Variants in KIT observed in about 807,000 individuals in gnomAD.
KIT encodes the protein mast/stem cell growth factor receptor Kit.
A neutral mutation model predicts 105.7 loss-of-function variants in KIT; 16 were observed. The ratio of observed to expected loss-of-function variants is 0.15; its 90% CI spans 0.10 to 0.23. The LOEUF is 0.23. Among genes scored for constraint, KIT ranks in the 10% least tolerant of loss-of-function variants. The pLI, the probability that KIT is intolerant of heterozygous loss-of-function variation, is 1.00. For synonymous variants in KIT, 438 were observed against 441.1 expected (o/e 0.99, Z 0.09); for missense variants, 858 against 1,213.8 (o/e 0.71, Z 4.36).
In KIT at chr4:54,738,522, T is replaced by C; in HGVS notation, c.2896T>C (p.Ser966Pro). ...CAATTCTGTCGGCAGCACCGCTTCC[T>C]CCTCCCAGCCTCTGCTTGTGCACGA... The part of the protein sequence containing the change: ...RINSVGSTAS[S>P]SQPLLVHDDV The change falls in exon 21 of 21, where the codon TCC becomes CCC. Residue 966 changes from serine to proline, a missense_variant. Around this residue, in one of 7 missense-constraint regions of KIT, gnomAD observed 105 missense variants for 103.5 expected, o/e 1.01. Transcript: ENST00000288135. The C allele has an allele frequency of 6.2e-7, 1 of 1,614,126 alleles. No individual in the cohort carries two copies. The highest frequency in any genetic ancestry group is 8.5e-7 in the Non-Finnish European group (1 of 1,180,018).
chr4:54,700,731 A>G (rs1335439103), intron 4 of KIT, among the ~76,000 whole-genome samples: 1 of 152,196 alleles, frequency 6.6e-6, no homozygotes, highest in South Asian at 2.1e-4. Flanking sequence ...CTGTTTAAAA[A>G]ACTCTTTGCT....
intron 1 of KIT, among the ~76,000 whole-genome samples, chr4:54,678,343 T>TCCTTCCTC (rs1718652442): frequency 2.1e-5 from 2 of 95,696 alleles, no homozygotes; most frequent in Non-Finnish European, 3.9e-5. Context: ...CTTCCTTCCT[T>TCCTTCCTC]CCTTCCTTCC....
intron 5 of KIT, 59 bp from the exon 6 acceptor site, chr4:54,707,038 GT>G (rs1720831720): frequency 3.1e-6 from 3 of 964,070 alleles, no homozygotes; most frequent in South Asian, 1.4e-5. Flanking sequence ...ATGAGGTTCT[GT>G]TTTTTTGTCC....
intron 17 of KIT, among the ~76,000 whole-genome samples, chr4:54,733,622 A>G (rs1342053630): frequency 1.3e-5 from 2 of 152,182 alleles, no homozygotes; most frequent in South Asian, 4.1e-4. Flanking sequence ...CCTAGAATAC[A>G]CGGAGAGCTA....
At chr4:54,722,281 G>A (rs555250925) in intron 7 of KIT, among the ~76,000 whole-genome samples, 8 of 152,070 alleles carry the variant, frequency 5.3e-5, no homozygotes, top group East Asian at 1.9e-4. Flanking sequence ...TTGAGCCACC[G>A]TGCCCAGCAA....
chr4:54,709,663 TCA>T (rs1721014897), intron 7 of KIT, 124 bp downstream of exon 7: 4 of 723,794 alleles, frequency 5.5e-6, no homozygotes, highest in Non-Finnish European at 9.9e-6. Context: ...ATCTTGACCT[TCA>T]CAGAGACTTC....
At chr4:54,694,577 A>G (rs1376997336) in intron 1 of KIT, among the ~76,000 whole-genome samples, 1 of 151,920 alleles carries the variant, frequency 6.6e-6, no homozygotes, top group Non-Finnish European at 1.5e-5. Flanking sequence ...GGGGCGTCTC[A>G]CTGCGTTGCC....
At chr4:54,694,698 C>A (rs1393224127) in intron 1 of KIT, among the ~76,000 whole-genome samples, 1 of 152,142 alleles carries the variant, frequency 6.6e-6, no homozygotes, top group Non-Finnish European at 1.5e-5. Flanking sequence ...GTTCTTTAAA[C>A]CCTGAAATGT....
At position 54,736,680 on chromosome 4, in the gene KIT, G is replaced by C. The variant is rs764127876; in HGVS notation, c.2597-41G>C. On this transcript the variant is annotated intron_variant, in intron 18 of 20. Transcript: ENST00000288135. ...CTTCTTGAAGTTTCATTGGTGTCCTGCTTCCTTGTGATTAACACTGCTTTG... is the reference window on the plus strand; with the variant it reads ...CTTCTTGAAGTTTCATTGGTGTCCTCCTTCCTTGTGATTAACACTGCTTTG... 6 of 1,603,374 alleles carry C rather than the reference G, an allele frequency of 3.7e-6. No individual in the cohort carries two copies. The Admixed American group carries it at 8.3e-5, about 22-fold the overall frequency.
chr4:54,727,066 A>G (rs943035360), intron 9 of KIT, 152 bp from the exon 10 acceptor site: 1 of 730,190 alleles, frequency 1.4e-6, no homozygotes, highest in African/African-American at 1.7e-5. Context: ...ACAAGAGTAC[A>G]ATGTAACCAA....
At chr4:54,665,780 G>T (rs369977664) in intron 1 of KIT, among the ~76,000 whole-genome samples, 39 of 152,284 alleles carry the variant, frequency 2.6e-4, no homozygotes, top group Admixed American at 7.8e-4. Context: ...CAATTTCACA[G>T]ACATGGAGGG....
At chr4:54,737,375 C>T (rs1722984613) in intron 20 of KIT, 95 bp downstream of exon 20, 21 of 827,794 alleles carry the variant, frequency 2.5e-5, no homozygotes, top group Non-Finnish European at 4.2e-5. Flanking sequence ...AACCTCCCAA[C>T]CCCTTCTCTC....
At chr4:54,702,337 A>G (rs1481622964) in intron 4 of KIT, among the ~76,000 whole-genome samples, 1 of 152,092 alleles carries the variant, frequency 6.6e-6, no homozygotes, top group African/African-American at 2.4e-5. Context: ...CTAAAATATT[A>G]TTTCATAATG....
rs369849966 is a variant in KIT at position 54,680,806 on chromosome 4, C to T, written c.68-14706C>T. Among the ~76,000 whole-genome samples the T allele has an allele frequency of 2.2e-4, 34 of 152,204 alleles. No homozygotes were observed. In the South Asian group the frequency reaches 6.9e-3, roughly 31 times the overall value. ...ATTTGGTGATTAGTGAATATTGGAG[C>T]GCCTAGCTCACACTCGCCCACACCC... On this transcript the variant is annotated intron_variant, in intron 1 of 20. Coordinates refer to ENST00000288135, the MANE Select transcript of KIT (RefSeq NM_000222.3).
At chr4:54,727,067 A>G (rs1357439600) in intron 9 of KIT, 151 bp from the exon 10 acceptor site, 12 of 734,052 alleles carry the variant, frequency 1.6e-5, no homozygotes, top group Admixed American at 5.6e-5. Context: ...CAAGAGTACA[A>G]TGTAACCAAG....
intron 1 of KIT, among the ~76,000 whole-genome samples, chr4:54,688,008 A>G (rs1005096766): frequency 2.0e-5 from 3 of 152,166 alleles, no homozygotes; most frequent in Non-Finnish European, 4.4e-5. Flanking sequence ...AGCTCCCCAT[A>G]GTAGAACAGG....
intron 14 of KIT, among the ~76,000 whole-genome samples, chr4:54,730,260 T>C (rs533490414): frequency 9.9e-5 from 15 of 152,268 alleles, no homozygotes; most frequent in African/African-American, 2.6e-4. Context: ...CCCAGTCCCC[T>C]ATACTGTATA....
At chr4:54,689,893 C>T (rs905055632) in intron 1 of KIT, among the ~76,000 whole-genome samples, 1 of 152,084 alleles carries the variant, frequency 6.6e-6, no homozygotes, top group African/African-American at 2.4e-5. Flanking sequence ...CCTCCCCACA[C>T]CTTAATAACC....
In KIT at chr4:54,736,766, A is replaced by G. The variant is rs1244026726; in HGVS notation, c.2642A>G (p.Lys881Arg). The change falls in exon 19 of 21, where the codon AAG becomes AGG. Residue 881 changes from lysine to arginine, a missense_variant. Physicochemically the swap from Lys to Arg is conservative, Grantham distance 26. Coordinates refer to ENST00000288135, the MANE Select transcript of KIT (RefSeq NM_000222.3). ...PGMPVDSKFY[K>R]MIKEGFRMLS... The stretch of plus-strand genomic sequence containing the variant: ...ATGCCGGTCGATTCTAAGTTCTACA[A>G]GATGATCAAGGAAGGCTTCCGGATG... 5.6e-6 allele frequency: 9 copies of G among 1,614,056 alleles called. No individual in the cohort carries two copies. The Admixed American group carries it at 1.0e-4, about 18-fold the overall frequency.
Sources: gnomAD v4.1 joint callset for allele counts (sites outside exome capture counted in the v4.1 genomes callset) on GRCh38, gnomAD v4.1.1 for gene constraint, gnomAD v4.1.1 regional missense constraint, MANE v1.5 for transcripts, NCBI Gene and HGNC (gene_info 2026-07-23, HGNC 2026-07-21) for gene names.